Variants in FKTN observed in about 807,000 individuals in gnomAD.
The protein encoded by FKTN is ribitol-5-phosphate transferase FKTN.
In FKTN, 47 loss-of-function variants were observed where a neutral mutation model predicts 58.6. That is an observed-to-expected ratio of 0.80 (90% CI 0.63 to 1.02). The LOEUF is 1.02. FKTN is among the 50% of genes least tolerant of loss of function. FKTN has a pLI of 0.00. For synonymous variants in FKTN, 178 were observed against 191.9 expected (o/e 0.93, Z 0.60); for missense variants, 516 against 537.3 (o/e 0.96, Z 0.39).
rs578104872 is a variant in FKTN, at chr9:105,586,201, TATC to T, written c.106-10394_106-10392del. 5.6e-3 allele frequency among the ~76,000 whole-genome samples: 846 copies of T among 152,344 alleles called. 10 individuals are homozygous for T. The highest frequency in any genetic ancestry group is 0.02 in the African/African-American group (820 of 41,584). On this transcript the variant is annotated intron_variant, in intron 3 of 10. Transcript: ENST00000357998. ...CCAAATGGGATCTGAATAATCCAGT[TATC>T]ATGTTAGCATTGAAGATAAAGAACT...
chr9:105,581,739 G>T (rs1245389551), intron 3 of FKTN, among the ~76,000 whole-genome samples: 1 of 152,168 alleles, frequency 6.6e-6, no homozygotes, highest in Non-Finnish European at 1.5e-5. Context: ...AGCAAGCCTG[G>T]GCAATGGCGG....
Position 105,636,241 on chromosome 9 carries a change from C to T in FKTN, c.*977C>T, listed in dbSNP as rs546374850. The T allele has an allele frequency of 4.4e-6, 4 of 902,304 alleles. No homozygotes were observed. In the African/African-American group the frequency reaches 7.2e-5, roughly 16 times the overall value. 55.9% of individuals were successfully genotyped at this position (902,304 alleles called of 1,614,324 possible). A position where few individuals can be genotyped will look rare whatever the true frequency, so the allele number is the denominator to read the frequency against. On this transcript the variant is annotated 3_prime_UTR_variant, in exon 11 of 11. Coordinates refer to ENST00000357998, the MANE Select transcript of FKTN (RefSeq NM_001079802.2). ...TTTAAATATACTCTAATTTTTAAAA[C>T]ATACTCTTTATTATCTTCATTTATC...
chr9:105,585,266 A>G (rs1843706592), intron 3 of FKTN, among the ~76,000 whole-genome samples: 1 of 152,154 alleles, frequency 6.6e-6, no homozygotes, highest in Admixed American at 6.6e-5. Flanking sequence ...CTCTGCTAAA[A>G]ATAAGAAAAT....
At chr9:105,562,867 G>T (rs557467046) in intron 1 of FKTN, among the ~76,000 whole-genome samples, 1 of 152,122 alleles carries the variant, frequency 6.6e-6, no homozygotes, top group Non-Finnish European at 1.5e-5. Flanking sequence ...CCCCAAATAA[G>T]TCGGGGATCC....
At chr9:105,569,627 C>T (rs1410159935) in intron 1 of FKTN, among the ~76,000 whole-genome samples, 1 of 152,172 alleles carries the variant, frequency 6.6e-6, no homozygotes, top group African/African-American at 2.4e-5. Flanking sequence ...TTTCTTTCTT[C>T]TTCATTGCCA....
At position 105,639,648 on chromosome 9, in the gene FKTN, A is replaced by C; in HGVS notation, c.*4384A>C. The C allele has an allele frequency of 1.1e-6, 1 of 945,238 alleles. No individual in the cohort carries two copies. The highest frequency in any genetic ancestry group is 1.3e-6 in the Non-Finnish European group (1 of 793,342). The allele number at this position is 945,238 out of a possible 1,614,324, so 58.6% of individuals were successfully genotyped here. ...CATGACTGAATTTGCTTAAGAAAAA[A>C]AAAATTGTATCAAGTCATTAATACA... On this transcript the variant is annotated 3_prime_UTR_variant, in exon 11 of 11. Transcript: ENST00000357998.
At chr9:105,560,411 C>T (rs1433631060) in intron 1 of FKTN, among the ~76,000 whole-genome samples, 2 of 152,182 alleles carry the variant, frequency 1.3e-5, no homozygotes, top group East Asian at 3.8e-4. Context: ...TGACAAGAAT[C>T]TAGATCCTGT....
rs1395116360 is a variant in FKTN at position 105,579,144 on chromosome 9, G to GT, written c.105+4013dup. ...CCTGGATTCATTGATTTTTTGAATGGTTTTTTGTGTCTGTATCTCCTGCAG... is the reference window on the plus strand; with the variant it reads ...CCTGGATTCATTGATTTTTTGAATGGTTTTTTTGTGTCTGTATCTCCTGCAG... On this transcript the variant is annotated intron_variant, in intron 3 of 10. Coordinates refer to ENST00000357998, the MANE Select transcript of FKTN (RefSeq NM_001079802.2). Among the ~76,000 whole-genome samples, 7 of 152,104 alleles carry GT rather than the reference G, an allele frequency of 4.6e-5. No homozygotes were observed. In the East Asian group the frequency reaches 9.6e-4, roughly 21 times the overall value.
At chr9:105,615,441 G>A in intron 8 of FKTN, 34 bp downstream of exon 8, 1 of 1,610,198 alleles carries the variant, frequency 6.2e-7, no homozygotes, top group Non-Finnish European at 8.5e-7. Context: ...TTGTCTTTCT[G>A]TCATTTTGTC....
intron 10 of FKTN, among the ~76,000 whole-genome samples, chr9:105,622,093 G>T (rs1345240509): frequency 2.0e-5 from 3 of 151,986 alleles, no homozygotes; most frequent in Non-Finnish European, 4.4e-5. Flanking sequence ...TGTAAAGAGA[G>T]GTAAACTTGC....
chr9:105,575,206 C>G, intron 3 of FKTN, 69 bp downstream of exon 3: 1 of 894,398 alleles, frequency 1.1e-6, no homozygotes. Flanking sequence ...TCACACTTCT[C>G]TTTGCAATAC....
intron 5 of FKTN, 81 bp downstream of exon 5, chr9:105,601,429 C>A: frequency 1.9e-6 from 2 of 1,037,874 alleles, no homozygotes; most frequent in Non-Finnish European, 2.9e-6. Flanking sequence ...AAATGTAAAA[C>A]ATTAAAAATT....
chr9:105,608,222 C>T (rs984531889), intron 7 of FKTN, among the ~76,000 whole-genome samples: 9 of 152,048 alleles, frequency 5.9e-5, no homozygotes, highest in Non-Finnish European at 1.2e-4. Context: ...CTGGCTTCTG[C>T]CTTAAGATAG....
chr9:105,596,525 C>G, intron 3 of FKTN, 73 bp from the exon 4 acceptor site: 1 of 921,974 alleles, frequency 1.1e-6, no homozygotes, highest in South Asian at 1.3e-5. Context: ...TTTTGAATCT[C>G]ATGCCTAACT....
At chr9:105,613,924 C>A (rs1830365492) in intron 7 of FKTN, among the ~76,000 whole-genome samples, 1 of 152,084 alleles carries the variant, frequency 6.6e-6, no homozygotes, top group Non-Finnish European at 1.5e-5. Flanking sequence ...GAGGTTGGAG[C>A]TGAGACTTGA....
At chr9:105,596,522 T>A (rs1263343908) in intron 3 of FKTN, 76 bp from the exon 4 acceptor site, 5 of 896,146 alleles carry the variant, frequency 5.6e-6, no homozygotes, top group Non-Finnish European at 9.5e-6. Flanking sequence ...ATATTTTGAA[T>A]CTCATGCCTA....
intron 10 of FKTN, among the ~76,000 whole-genome samples, chr9:105,625,026 C>T (rs1428133182): frequency 2.6e-5 from 4 of 152,092 alleles, no homozygotes; most frequent in Admixed American, 6.5e-5. Flanking sequence ...GTGCTTGGCA[C>T]GTAATAGATT....
chr9:105,639,912 A>G lies in FKTN; in HGVS notation c.*4648A>G. ...TTTTCAATATTCTAGCCTTTCCTAG[A>G]TGTAAATCTTTACCTCCTTGTTAGT... On this transcript the variant is annotated 3_prime_UTR_variant, in exon 11 of 11. Coordinates refer to ENST00000357998, the MANE Select transcript of FKTN (RefSeq NM_001079802.2). The G allele has an allele frequency of 6.9e-7, 1 of 1,439,982 alleles. No individual in the cohort carries two copies. Among genetic ancestry groups the G allele is most frequent in the Non-Finnish European group, 9.1e-7 (1 of 1,102,482 alleles). The allele number at this position is 1,439,982 out of a possible 1,614,324, so 89.2% of individuals were successfully genotyped here. A position where few individuals can be genotyped will look rare whatever the true frequency, so the allele number is the denominator to read the frequency against.
intron 10 of FKTN, chr9:105,624,188 T>C (rs1175972245): frequency 1.3e-5 from 2 of 152,228 alleles, no homozygotes; most frequent in African/African-American, 4.8e-5. Context: ...TGCTATATCA[T>C]ACTGAGTGTT....
Sources: allele counts gnomAD v4.1 joint callset (sites outside exome capture counted in the v4.1 genomes callset), GRCh38; gene constraint gnomAD v4.1.1; transcripts MANE v1.5; gene names NCBI Gene and HGNC (gene_info 2026-07-23, HGNC 2026-07-21).